The following COL9A2 variants were observed in gnomAD, a reference collection of about 807,000 sequenced individuals.
The protein encoded by COL9A2 is collagen alpha-2(IX) chain.
In COL9A2, 66 loss-of-function variants were observed where a neutral mutation model predicts 111.6. That is an observed-to-expected ratio of 0.59 (90% confidence interval 0.48 to 0.73). COL9A2 has a LOEUF of 0.73. Among genes scored for constraint, COL9A2 ranks in the 30% least tolerant of loss-of-function variants. COL9A2 has a pLI of 0.00. For synonymous variants in COL9A2, 353 were observed against 364.1 expected (o/e 0.97, Z 0.35); for missense variants, 881 against 954.1 (o/e 0.92, Z 1.01).
At chr1:40,309,307 A>G (rs748243815) in intron 16 of COL9A2, among the ~76,000 whole-genome samples, 3 of 152,058 alleles carry the variant, frequency 2.0e-5, no homozygotes, top group African/African-American at 4.8e-5. Context: ...AAGTATAAGA[A>G]TTTTTTAATT....
At chr1:40,301,521 T>C in intron 31 of COL9A2, 140 bp from the exon 32 acceptor site, 1 of 727,260 alleles carries the variant, frequency 1.4e-6, no homozygotes, top group Non-Finnish European at 2.3e-6. Flanking sequence ...AGGCAGAGAT[T>C]CTGTGATTGT....
Position 40,304,399 on chromosome 1 carries a change from GA to G in COL9A2, c.1216-9del. The G allele has an allele frequency of 6.2e-7, 1 of 1,606,296 alleles. No homozygotes were observed. The highest frequency in any genetic ancestry group is 8.5e-7 in the Non-Finnish European group (1 of 1,176,404). On this transcript the variant is annotated splice_polypyrimidine_tract_variant and intron_variant, in intron 23 of 31. Coordinates refer to ENST00000372748, the MANE Select transcript of COL9A2 (RefSeq NM_001852.4). ...CTGCTCCCCCTTAGGGCCCTGAGGA[GA>G]AAAGAAACCAAAGGAATAAATGGAA...
rs1219391651 is a variant in COL9A2 at position 40,303,045 on chromosome 1, CAAGT to C, written c.1603+82_1603+85del. 2 of 1,415,560 alleles carry C rather than the reference CAAGT, an allele frequency of 1.4e-6. No individual in the cohort carries two copies. Among genetic ancestry groups the C allele is most frequent in the Non-Finnish European group, 2.0e-6 (2 of 1,022,550 alleles). 87.7% of individuals were successfully genotyped at this position (1,415,560 alleles called of 1,614,324 possible). Reference sequence around the variant, plus strand: ...GCCCCCAGGACTCCAGATTTTCAGACAAGTGAACACGTGGAGGCTCCGGGAGGGG... The same window carrying C: ...GCCCCCAGGACTCCAGATTTTCAGACGAACACGTGGAGGCTCCGGGAGGGG... On this transcript the variant is annotated intron_variant, in intron 29 of 31. Transcript: ENST00000372748. This position sits in a 1 kb window ranked among gnomAD's most constrained non-coding sequence, Gnocchi z 4.6.
intron 20 of COL9A2, 118 bp from the exon 21 acceptor site, chr1:40,305,886 G>T: frequency 1.1e-6 from 1 of 929,344 alleles, no homozygotes; most frequent in Non-Finnish European, 1.7e-6. Context: ...GGGGGAGAGG[G>T]TATTCTTGGT....
chr1:40,305,057 C>CTTTTTTTTTTTTTTTTTTTTTTTTTT (rs1644002903), intron 21 of COL9A2: 1 of 277,736 alleles, frequency 3.6e-6, no homozygotes, highest in African/African-American at 2.6e-5. Flanking sequence ...TCATTTCTTT[C>CTTTTTTTTTTTTTTTTTTTTTTTTTT]TTTCTTTTTT....
chr1:40,302,362 C>T lies in COL9A2; in HGVS notation c.1792+259G>A, dbSNP rs1643927090. ...CTGCTCTGCTGGTCTGCCGCCCCAT[C>T]TCTATTGACATGGAAAGATGCTTAT... On this transcript the variant is annotated intron_variant, in intron 30 of 31. Transcript: ENST00000372748. The surrounding 1 kb of genome is among the most constrained non-coding windows in gnomAD (Gnocchi z 4.5). Among the ~76,000 whole-genome samples the T allele has an allele frequency of 1.3e-5, 2 of 152,182 alleles. No homozygotes were observed. Among genetic ancestry groups the T allele is most frequent in the South Asian group, 4.1e-4 (2 of 4,826 alleles).
chr1:40,307,322 G>C lies in COL9A2; in HGVS notation c.1008+124C>G. On this transcript the variant is annotated intron_variant, in intron 19 of 31. Transcript: ENST00000372748. The surrounding 1 kb of genome is among the most constrained non-coding windows in gnomAD (Gnocchi z 4.8). ...AAGTAATGAAGCCTTCGCCAGGCCA[G>C]GGGCCACAGAGTTGGTAACAAGGCA... 5 of 936,808 alleles carry C rather than the reference G, an allele frequency of 5.3e-6. No homozygotes were observed. The highest frequency in any genetic ancestry group is 8.5e-6 in the Non-Finnish European group (5 of 590,550). 58.0% of individuals were successfully genotyped at this position (936,808 alleles called of 1,614,324 possible). A position where few individuals can be genotyped will look rare whatever the true frequency, so the allele number is the denominator to read the frequency against.
rs1569772685 is a variant in COL9A2, at chr1:40,316,541, A to C, written c.75+582T>G. 2.2e-6 allele frequency: 1 copy of C among 449,724 alleles called. No homozygotes were observed. Among genetic ancestry groups the C allele is most frequent in the East Asian group, 7.4e-5 (1 of 13,514 alleles). 27.9% of individuals were successfully genotyped at this position (449,724 alleles called of 1,614,324 possible). A position where few individuals can be genotyped will look rare whatever the true frequency, so the allele number is the denominator to read the frequency against. ...TTAAGAGGCCAGCTCGGACCCAGGC[A>C]GGGGTCCCGGTGCCCACGACCTCCC... On this transcript the variant is annotated intron_variant, in intron 1 of 31. Coordinates refer to ENST00000372748, the MANE Select transcript of COL9A2 (RefSeq NM_001852.4). The surrounding 1 kb of genome is among the most constrained non-coding windows in gnomAD (Gnocchi z 5.5).
rs776441743 is a variant in COL9A2, at chr1:40,312,609, C to T, written c.304G>A (p.Gly102Ser). The T allele has an allele frequency of 1.2e-6, 2 of 1,614,008 alleles. No individual in the cohort carries two copies. Among genetic ancestry groups the T allele is most frequent in the Middle Eastern group, 1.6e-4 (1 of 6,062 alleles). ...GGAGGACCAGGAAGCCCGGGCTGGC[C>T]CTGCAGAAGCAACGAGAAAGGCTCA... Reference protein sequence around the residue: ...PGPMGIPGVKGQPGLPGPPGL... With the variant: ...PGPMGIPGVKSQPGLPGPPGL... Residue 102 changes from glycine to serine, a missense_variant and splice_region_variant, in exon 6 of 32, where the codon GGC (glycine) becomes AGC (serine). Coordinates refer to ENST00000372748, the MANE Select transcript of COL9A2 (RefSeq NM_001852.4). This position sits in a 1 kb window ranked among gnomAD's most constrained non-coding sequence, Gnocchi z 6.0.
chr1:40,313,878 G>C (rs1644172681), intron 4 of COL9A2, among the ~76,000 whole-genome samples: 3 of 152,052 alleles, frequency 2.0e-5, no homozygotes, highest in Admixed American at 6.5e-5. Context: ...GGCACACAAG[G>C]ACAGCCCCAC....
At chr1:40,306,053 C>G (rs1276906837) in intron 20 of COL9A2, 90 bp downstream of exon 20, 2 of 1,483,648 alleles carry the variant, frequency 1.3e-6, no homozygotes, top group Admixed American at 3.4e-5. Flanking sequence ...CTGGCTGAGC[C>G]TCTGAGACTT....
chr1:40,303,841 T>G lies in COL9A2; in HGVS notation c.1369-2A>C, dbSNP rs1263204205. 1.3e-6 allele frequency: 2 copies of G among 1,556,996 alleles called. No individual in the cohort carries two copies. ...GGGCCCCGGCTCGCCGGACTCGCCC[T>G]GCAGGCACAAGGAGCAGCGGTCACG... On this transcript the variant is annotated splice_acceptor_variant, in intron 26 of 31. Coordinates refer to ENST00000372748, the MANE Select transcript of COL9A2 (RefSeq NM_001852.4). LOFTEE classifies it high-confidence loss of function. The surrounding 1 kb of genome is among the most constrained non-coding windows in gnomAD (Gnocchi z 4.6).
rs1324035253 is a variant in COL9A2 at position 40,303,053 on chromosome 1, C to T, written c.1603+78G>A. On this transcript the variant is annotated intron_variant, in intron 29 of 31. Transcript: ENST00000372748. This position sits in a 1 kb window ranked among gnomAD's most constrained non-coding sequence, Gnocchi z 4.6. ...GACTCCAGATTTTCAGACAAGTGAA[C>T]ACGTGGAGGCTCCGGGAGGGGGTGA... is the stretch of plus-strand genomic sequence containing the variant. 6.9e-7 allele frequency: 1 copy of T among 1,450,414 alleles called. No individual in the cohort carries two copies. The highest frequency in any genetic ancestry group is 9.5e-7 in the Non-Finnish European group (1 of 1,052,068). 89.8% of individuals were successfully genotyped at this position (1,450,414 alleles called of 1,614,324 possible).
At chr1:40,305,185 A>G (rs559167476) in intron 21 of COL9A2, among the ~76,000 whole-genome samples, 345 of 146,512 alleles carry the variant, frequency 2.4e-3, no homozygotes, top group African/African-American at 8.3e-3. Context: ...CTCCTGCCTC[A>G]GCCTCCAGAG....
In COL9A2 at chr1:40,317,269, C is replaced by T. The variant is rs1644234663; in HGVS notation, c.-72G>A. 8.4e-7 allele frequency: 1 copy of T among 1,187,716 alleles called. No individual in the cohort carries two copies. The highest frequency in any genetic ancestry group is 1.2e-6 in the Non-Finnish European group (1 of 823,348). 73.6% of individuals were successfully genotyped at this position (1,187,716 alleles called of 1,614,324 possible). ...CCGACGGCAGAGTCTCCCGGCGCTC[C>T]TCCAGCGCTGGCTGTTCGCGGGCAG... On this transcript the variant is annotated 5_prime_UTR_variant, in exon 1 of 32. Transcript: ENST00000372748. This position sits in a 1 kb window ranked among gnomAD's most constrained non-coding sequence, Gnocchi z 4.3.
Position 40,307,461 on chromosome 1 carries a change from G to A in COL9A2, c.993C>T (p.Gly331=), listed in dbSNP as rs1644047484. 6.2e-7 allele frequency: 1 copy of A among 1,614,096 alleles called. No homozygotes were observed. The highest frequency in any genetic ancestry group is 2.2e-5 in the East Asian group (1 of 44,882). Residue 331 remains glycine (G), a synonymous_variant, in exon 19 of 32, where the codon GGC becomes GGT. Transcript: ENST00000372748. The surrounding 1 kb of genome is among the most constrained non-coding windows in gnomAD (Gnocchi z 4.8). ...AGQAGQPGSP[G]HQGLAGVPGQ... is the part of the protein sequence containing the mutation. ...TGACACTTACCGCTAGGCCCTGGTG[G>A]CCTGGACTTCCGGGCTGTCCCGCCT...
chr1:40,303,063 C>G lies in COL9A2; in HGVS notation c.1603+68G>C. 2 of 1,507,864 alleles carry G rather than the reference C, an allele frequency of 1.3e-6. No individual in the cohort carries two copies. Among genetic ancestry groups the G allele is most frequent in the Non-Finnish European group, 1.8e-6 (2 of 1,100,362 alleles). 93.4% of individuals were successfully genotyped at this position (1,507,864 alleles called of 1,614,324 possible). A position where few individuals can be genotyped will look rare whatever the true frequency, so the allele number is the denominator to read the frequency against. ...TTTCAGACAAGTGAACACGTGGAGG[C>G]TCCGGGAGGGGGTGAGGGGGCGGCG... On this transcript the variant is annotated intron_variant, in intron 29 of 31. Transcript: ENST00000372748. This position sits in a 1 kb window ranked among gnomAD's most constrained non-coding sequence, Gnocchi z 4.6.
rs573127946 is a variant in COL9A2 at position 40,312,555 on chromosome 1, C to T, written c.339+19G>A. The T allele has an allele frequency of 6.2e-7, 1 of 1,614,042 alleles. No individual in the cohort carries two copies. The highest frequency in any genetic ancestry group is 1.1e-5 in the South Asian group (1 of 91,062). The stretch of plus-strand genomic sequence containing the variant: ...CTCTCCCCCAAGAGTCCCTCGAAGC[C>T]CTTGCAGGTTGTACTCACCGGAAGG... On this transcript the variant is annotated intron_variant, in intron 6 of 31. Coordinates refer to ENST00000372748, the MANE Select transcript of COL9A2 (RefSeq NM_001852.4). This position sits in a 1 kb window ranked among gnomAD's most constrained non-coding sequence, Gnocchi z 6.0.
intron 1 of COL9A2, chr1:40,315,873 T>G (rs190222462): frequency 1.1e-5 from 5 of 457,016 alleles, no homozygotes; most frequent in African/African-American, 1.0e-4. Flanking sequence ...AGGCGGGCGC[T>G]ATTACGGGCC....
Sources: gnomAD v4.1 joint callset for allele counts (sites outside exome capture counted in the v4.1 genomes callset) on GRCh38, gnomAD v4.1.1 for gene constraint, Gnocchi (gnomAD v3.1) non-coding constraint, MANE v1.5 for transcripts, NCBI Gene and HGNC (gene_info 2026-07-23, HGNC 2026-07-21) for gene names.